The following ENTREP2 variants were observed in gnomAD, a reference collection of about 807,000 sequenced individuals.
ENTREP2 encodes the protein protein ENTREP2.
At chr15:29,628,547 T>C in the ENTREP2 span, among the ~76,000 whole-genome samples, 2 of 152,240 alleles carry the variant, frequency 1.3e-5, no homozygotes, top group Non-Finnish European at 2.9e-5. Context: ...GATGGTGATG[T>C]TCAGTTCATC....
the ENTREP2 span, among the ~76,000 whole-genome samples, chr15:29,201,590 T>G: frequency 1.3e-5 from 2 of 152,228 alleles, no homozygotes; most frequent in African/African-American, 4.8e-5. Flanking sequence ...GATTTTTGAA[T>G]ATCAAACCAG....
At chr15:29,382,299 G>A in the ENTREP2 span, among the ~76,000 whole-genome samples, 1 of 151,888 alleles carries the variant, frequency 6.6e-6, no homozygotes, top group Admixed American at 6.6e-5. Context: ...ACTATTTGGG[G>A]AAAAGGCAAA....
chr15:29,300,118 T>C, the ENTREP2 span, among the ~76,000 whole-genome samples: 1 of 149,780 alleles, frequency 6.7e-6, no homozygotes, highest in Non-Finnish European at 1.5e-5. Flanking sequence ...AGTGGATAAA[T>C]GGATGAATGG....
chr15:29,363,671 G>A, the ENTREP2 span, among the ~76,000 whole-genome samples: 34 of 152,244 alleles, frequency 2.2e-4, no homozygotes, highest in East Asian at 3.9e-4. Context: ...ATTAAATACT[G>A]CAGTGGAGAA....
At chr15:29,252,261 A>C in the ENTREP2 span, 1 of 586,126 alleles carries the variant, frequency 1.7e-6, no homozygotes. Context: ...AATGAATTGA[A>C]AGTGTACATG....
the ENTREP2 span, among the ~76,000 whole-genome samples, chr15:29,155,390 A>C: frequency 1.3e-5 from 2 of 152,114 alleles, no homozygotes; most frequent in Non-Finnish European, 2.9e-5. Context: ...CGAGTCCCTG[A>C]ATGATGTGGG....
the ENTREP2 span, among the ~76,000 whole-genome samples, chr15:29,443,769 T>A: frequency 3.3e-5 from 5 of 151,974 alleles, no homozygotes; most frequent in Non-Finnish European, 7.4e-5. Context: ...GGTTACATCC[T>A]CGGAGGCTTT....
the ENTREP2 span, among the ~76,000 whole-genome samples, chr15:29,451,861 G>GCCTT: frequency 7.9e-5 from 12 of 152,224 alleles, no homozygotes; most frequent in African/African-American, 2.9e-4. Context: ...TCCTCCCCAG[G>GCCTT]CCTTCTGTGC....
chr15:29,627,477 A>C, the ENTREP2 span, among the ~76,000 whole-genome samples: 2 of 148,030 alleles, frequency 1.4e-5, no homozygotes, highest in African/African-American at 2.5e-5. Flanking sequence ...TGAGAGGCGG[A>C]GGTTGCAGTG....
the ENTREP2 span, among the ~76,000 whole-genome samples, chr15:29,178,096 C>T: frequency 6.6e-6 from 1 of 151,834 alleles, no homozygotes; most frequent in Non-Finnish European, 1.5e-5. Flanking sequence ...AGTTGGGGAC[C>T]AGCCTGGGCA....
chr15:29,514,914 T>A, the ENTREP2 span, among the ~76,000 whole-genome samples: 13 of 152,156 alleles, frequency 8.5e-5, no homozygotes, highest in African/African-American at 2.9e-4. Context: ...CCTCATCATG[T>A]CCTTCAACAC....
At chr15:29,174,499 T>C in the ENTREP2 span, among the ~76,000 whole-genome samples, 2 of 152,032 alleles carry the variant, frequency 1.3e-5, no homozygotes, top group South Asian at 2.1e-4. Flanking sequence ...CCATCCTGGC[T>C]AACACGGTGA....
At chr15:29,526,333 T>C in the ENTREP2 span, among the ~76,000 whole-genome samples, 1 of 152,186 alleles carries the variant, frequency 6.6e-6, no homozygotes, top group African/African-American at 2.4e-5. Context: ...TTCTCAAAGA[T>C]GGTGTCCCTC....
chr15:29,287,251 G>C, the ENTREP2 span, among the ~76,000 whole-genome samples: 1 of 152,090 alleles, frequency 6.6e-6, no homozygotes, highest in Admixed American at 6.6e-5. Flanking sequence ...TTGGGATAAA[G>C]TCACTTTCCT....
chr15:29,489,825 C>A, the ENTREP2 span, among the ~76,000 whole-genome samples: 2 of 152,152 alleles, frequency 1.3e-5, no homozygotes, highest in African/African-American at 4.8e-5. Context: ...CAACCACAGG[C>A]CATGACGGCG....
chr15:29,123,346 T>C, the ENTREP2 span: 2 of 1,529,496 alleles, frequency 1.3e-6, no homozygotes, highest in Non-Finnish European at 8.8e-7. Flanking sequence ...CCTTCATACC[T>C]GGTCCAGAAC....
chr15:29,254,860 A>C, the ENTREP2 span, among the ~76,000 whole-genome samples: 1,071 of 152,286 alleles, frequency 7.0e-3, 16 homozygotes, highest in African/African-American at 0.024. Flanking sequence ...ACAAACAAAC[A>C]AACCAACAAA....
the ENTREP2 span, among the ~76,000 whole-genome samples, chr15:29,326,134 T>G: frequency 6.6e-6 from 1 of 152,214 alleles, no homozygotes; most frequent in East Asian, 1.9e-4. Flanking sequence ...CACCTAATAA[T>G]GAAATACTGC....
the ENTREP2 span, among the ~76,000 whole-genome samples, chr15:29,489,707 A>T: frequency 6.6e-6 from 1 of 152,188 alleles, no homozygotes; most frequent in African/African-American, 2.4e-5. Context: ...CAGAGCCTGC[A>T]GCTCTATGAA....
Sources: gnomAD v4.1 joint callset for allele counts (sites outside exome capture counted in the v4.1 genomes callset) on GRCh38, gnomAD v4.1.1 for gene constraint, MANE v1.5 for transcripts, NCBI Gene and HGNC (gene_info 2026-07-23, HGNC 2026-07-21) for gene names.